AUTS2: variants seen among roughly 807,000 people sequenced by gnomAD.
AUTS2 encodes the protein autism susceptibility gene 2 protein.
Under a neutral mutation model 112.4 loss-of-function variants are expected in AUTS2, and 17 were observed. The observed-to-expected ratio is 0.15, with a 90% CI of 0.10 to 0.23. The LOEUF is 0.23. Ranked by LOEUF, AUTS2 falls within the 10% of genes least tolerant of loss-of-function variation. AUTS2 has a pLI of 1.00. For synonymous variants in AUTS2, 751 were observed against 702.7 expected (o/e 1.07, Z -1.09); for missense variants, 1,510 against 1,701.6 (o/e 0.89, Z 1.98).
At chr7:69,707,361 A>G (rs987303095) in intron 1 of AUTS2, among the ~76,000 whole-genome samples, 2 of 152,204 alleles carry the variant, frequency 1.3e-5, no homozygotes, top group East Asian at 3.8e-4. Context: ...AGAGGTAGAC[A>G]CTAGTTATAT....
chr7:70,750,789 C>T (rs542214242), intron 6 of AUTS2, among the ~76,000 whole-genome samples: 12 of 152,312 alleles, frequency 7.9e-5, no homozygotes, highest in African/African-American at 2.9e-4. Flanking sequence ...ATGTGTGCCC[C>T]AAATCAGATG....
At chr7:69,613,013 C>T (rs919980489) in intron 1 of AUTS2, among the ~76,000 whole-genome samples, 3 of 152,112 alleles carry the variant, frequency 2.0e-5, no homozygotes, top group Non-Finnish European at 4.4e-5. Flanking sequence ...ATTTTGCATT[C>T]GTTATCCCAT....
intron 4 of AUTS2, among the ~76,000 whole-genome samples, chr7:70,312,445 A>G (rs1265576839): frequency 6.6e-6 from 1 of 152,210 alleles, no homozygotes; most frequent in Non-Finnish European, 1.5e-5. Flanking sequence ...TATATAATAT[A>G]GGCAGTGATT....
chr7:69,834,145 C>A (rs1352406556), intron 1 of AUTS2, among the ~76,000 whole-genome samples: 1 of 152,172 alleles, frequency 6.6e-6, no homozygotes, highest in Non-Finnish European at 1.5e-5. Context: ...CCCTGCACCT[C>A]TACGTCACTC....
chr7:70,325,858 A>G (rs1790462591), intron 4 of AUTS2, among the ~76,000 whole-genome samples: 2 of 152,166 alleles, frequency 1.3e-5, no homozygotes, highest in Non-Finnish European at 2.9e-5. Flanking sequence ...GGAAGAAACT[A>G]TCCCACCTCT....
chr7:70,764,878 C>T lies in AUTS2; in HGVS notation c.1341C>T (p.Thr447=). Residue 447 remains threonine, a synonymous_variant, in exon 8 of 19, where the codon ACC becomes ACT. Transcript: ENST00000342771. ...GCCCCCTGCACAGCTTCACACCCAC[C>T]CTCCAGCCCCCCGCACACTCACATC... ...NHSPLHSFTP[T]LQPPAHSHHP... The T allele has an allele frequency of 3.1e-6, 5 of 1,599,858 alleles. No homozygotes were observed. In the Middle Eastern group the frequency reaches 5.0e-4, roughly 159 times the overall value.
intron 4 of AUTS2, among the ~76,000 whole-genome samples, chr7:70,155,909 C>G (rs1027018394): frequency 7.2e-5 from 11 of 152,186 alleles, no homozygotes; most frequent in African/African-American, 2.4e-4. Context: ...ATCTCACTAT[C>G]TGGCAGGCAG....
intron 5 of AUTS2, among the ~76,000 whole-genome samples, chr7:70,529,966 C>T (rs1800011437): frequency 6.6e-6 from 1 of 152,194 alleles, no homozygotes; most frequent in Non-Finnish European, 1.5e-5. Context: ...CAGTAGCTTG[C>T]AGTTTCACTG....
intron 1 of AUTS2, among the ~76,000 whole-genome samples, chr7:69,618,782 A>G (rs1325008562): frequency 6.6e-6 from 1 of 152,114 alleles, no homozygotes; most frequent in Non-Finnish European, 1.5e-5. Flanking sequence ...AAACCTTATG[A>G]CTTTACTGTA....
intron 2 of AUTS2, among the ~76,000 whole-genome samples, chr7:69,933,468 C>T (rs549309823): frequency 6.6e-6 from 1 of 152,292 alleles, no homozygotes; most frequent in African/African-American, 2.4e-5. Context: ...TAATCCTTTT[C>T]AGGACTTCGG....
At chr7:69,646,424 G>GT (rs1795024178) in intron 1 of AUTS2, among the ~76,000 whole-genome samples, 1 of 152,194 alleles carries the variant, frequency 6.6e-6, no homozygotes, top group Admixed American at 6.5e-5. Flanking sequence ...TTGAGAGGCT[G>GT]TATTTTAAAG....
At chr7:69,760,650 G>A (rs1001812925) in intron 1 of AUTS2, among the ~76,000 whole-genome samples, 4 of 151,970 alleles carry the variant, frequency 2.6e-5, no homozygotes, top group Non-Finnish European at 4.4e-5. Context: ...GTGAAACCCC[G>A]TCTCTACTAA....
At chr7:69,939,106 A>G (rs959188325) in intron 2 of AUTS2, among the ~76,000 whole-genome samples, 2 of 152,250 alleles carry the variant, frequency 1.3e-5, no homozygotes, top group Non-Finnish European at 2.9e-5. Flanking sequence ...TCCCTATCAC[A>G]TCATGTTATC....
chr7:69,755,923 GT>G (rs1787927518), intron 1 of AUTS2, among the ~76,000 whole-genome samples: 1 of 152,148 alleles, frequency 6.6e-6, no homozygotes, highest in African/African-American at 2.4e-5. Context: ...TGATTTTATA[GT>G]TTGCTAATGG....
intron 4 of AUTS2, among the ~76,000 whole-genome samples, chr7:70,203,360 A>AAAAG (rs1554336783): frequency 6.7e-6 from 1 of 148,450 alleles, no homozygotes; most frequent in African/African-American, 2.5e-5. Context: ...AAAAAAAAAA[A>AAAAG]AAGAAGTTTA....
At chr7:70,308,770 C>T (rs1789602243) in intron 4 of AUTS2, among the ~76,000 whole-genome samples, 1 of 152,154 alleles carries the variant, frequency 6.6e-6, no homozygotes, top group Non-Finnish European at 1.5e-5. Context: ...TGTGCCGAAA[C>T]ATCTATACAC....
At chr7:70,480,837 G>C (rs1438543758) in intron 5 of AUTS2, among the ~76,000 whole-genome samples, 1 of 152,186 alleles carries the variant, frequency 6.6e-6, no homozygotes, top group African/African-American at 2.4e-5. Flanking sequence ...ACCAGAGAAG[G>C]CTTCAAGGAA....
intron 1 of AUTS2, among the ~76,000 whole-genome samples, chr7:69,683,472 T>C (rs1796906517): frequency 6.6e-6 from 1 of 152,154 alleles, no homozygotes; most frequent in Non-Finnish European, 1.5e-5. Context: ...CGAGGACTCT[T>C]TTACCCTCTC....
At position 69,641,489 on chromosome 7, in the gene AUTS2, C is replaced by T. The variant is rs149269823; in HGVS notation, c.309+41527C>T. ...AGGGCAGGATAGAGTTGTCTTTGTC[C>T]CTGTATCTCTGGGGCCTGCAGTTAC... On this transcript the variant is annotated intron_variant, in intron 1 of 18. Transcript: ENST00000342771. 4.1e-4 allele frequency among the ~76,000 whole-genome samples: 62 copies of T among 151,924 alleles called. 1 individual carries two copies. The East Asian group carries it at 0.011, about 27-fold the overall frequency.
Sources: allele counts gnomAD v4.1 joint callset (sites outside exome capture counted in the v4.1 genomes callset), GRCh38; gene constraint gnomAD v4.1.1; transcripts MANE v1.5; gene names NCBI Gene and HGNC (gene_info 2026-07-23, HGNC 2026-07-21).